The following GLI3 variants were observed in gnomAD, a reference collection of about 807,000 sequenced individuals.
The protein encoded by GLI3 is GLI family zinc finger 3.
In GLI3, 20 loss-of-function variants were observed where a neutral mutation model predicts 100.8. The ratio of observed to expected loss-of-function variants is 0.20; its 90% CI spans 0.14 to 0.29. The LOEUF is 0.29. Ranked by LOEUF, GLI3 falls within the 10% of genes least tolerant of loss-of-function variation. The pLI, the probability that GLI3 is intolerant of heterozygous loss-of-function variation, is 1.00. For synonymous variants in GLI3, 938 were observed against 860.5 expected (o/e 1.09, Z -1.58); for missense variants, 2,040 against 2,128.5 (o/e 0.96, Z 0.82).
At chr7:42,246,165 G>T (rs973498800) in intron 1 of GLI3, among the ~76,000 whole-genome samples, 1 of 152,178 alleles carries the variant, frequency 6.6e-6, no homozygotes, top group Admixed American at 6.5e-5. Context: ...CTGCAGTTGT[G>T]CATTCAAACA....
chr7:42,147,291 GTCA>G (rs1484670549), intron 3 of GLI3, among the ~76,000 whole-genome samples: 1 of 152,176 alleles, frequency 6.6e-6, no homozygotes, highest in African/African-American at 2.4e-5. Flanking sequence ...TCACTAATCA[GTCA>G]TCTGGCTAAT....
Position 41,967,338 on chromosome 7 carries a change from A to C in GLI3, c.2431+258T>G, listed in dbSNP as rs115984794. ...TCCACTGCTGGCATTCCCTTACCCTAATCTAACAGTTATGATTTCACCATC... is the reference window on the plus strand; with the variant it reads ...TCCACTGCTGGCATTCCCTTACCCTCATCTAACAGTTATGATTTCACCATC... On this transcript the variant is annotated intron_variant, in intron 14 of 14. Transcript: ENST00000395925. Among the ~76,000 whole-genome samples, 1,216 of 152,320 alleles carry C rather than the reference A, an allele frequency of 8.0e-3. 19 individuals carry two copies. The highest frequency in any genetic ancestry group is 0.028 in the African/African-American group (1,167 of 41,558).
At position 42,184,675 on chromosome 7, in the gene GLI3, C is replaced by T. The variant is rs531206714; in HGVS notation, c.125-36207G>A. Among the ~76,000 whole-genome samples the T allele has an allele frequency of 1.1e-4, 16 of 152,306 alleles. No homozygotes were observed. The South Asian group carries it at 1.2e-3, about 12-fold the overall frequency. Reference sequence around the variant, plus strand: ...ACCCAGAGACACAGACACCCTTTAGCGCTCAGCCCATGCAAGGATTGCCTG... The same window carrying T: ...ACCCAGAGACACAGACACCCTTTAGTGCTCAGCCCATGCAAGGATTGCCTG... On this transcript the variant is annotated intron_variant, in intron 2 of 14. Coordinates refer to ENST00000395925, the MANE Select transcript of GLI3 (RefSeq NM_000168.6).
At chr7:42,042,522 G>A (rs1319248026) in intron 6 of GLI3, among the ~76,000 whole-genome samples, 1 of 152,152 alleles carries the variant, frequency 6.6e-6, no homozygotes, top group Non-Finnish European at 1.5e-5. Context: ...CCTTCTCAAT[G>A]GTACTCAGTG....
At chr7:42,180,100 T>C (rs999926567) in intron 2 of GLI3, among the ~76,000 whole-genome samples, 2 of 152,116 alleles carry the variant, frequency 1.3e-5, no homozygotes, top group Admixed American at 6.5e-5. Context: ...TGCTCTCCCA[T>C]GTGCAGGAGA....
At position 42,223,169 on chromosome 7, in the gene GLI3, C is replaced by G. The variant is rs777203491; in HGVS notation, c.85G>C (p.Val29Leu). Residue 29 changes from valine (V) to leucine (L), a missense_variant, in exon 2 of 15, where the codon GTG becomes CTG. By Grantham distance (32) the Val-to-Leu change is conservative. Around this residue, in one of 5 missense-constraint regions of GLI3, gnomAD observed 603 missense variants for 690.9 expected, o/e 0.87. Transcript: ENST00000395925. The stretch of plus-strand genomic sequence containing the variant: ...CTGGAGGCAACGGCTTTCTCGCTCA[C>G]ATCTGTTCGAGTGGAGCACTTCACT... ...SIVKCSTRTD[V>L]SEKAVASSTT... 12 of 1,613,840 alleles carry G rather than the reference C, an allele frequency of 7.4e-6. No homozygotes were observed. Among genetic ancestry groups the G allele is most frequent in the African/African-American group, 2.7e-5 (2 of 74,912 alleles).
At chr7:42,159,895 T>C (rs1787092425) in intron 2 of GLI3, among the ~76,000 whole-genome samples, 1 of 152,226 alleles carries the variant, frequency 6.6e-6, no homozygotes, top group African/African-American at 2.4e-5. Context: ...CAGGATGTTA[T>C]TTCTTTTTCA....
intron 12 of GLI3, among the ~76,000 whole-genome samples, chr7:41,976,260 G>T (rs1787510979): frequency 6.6e-6 from 1 of 152,146 alleles, no homozygotes; most frequent in Non-Finnish European, 1.5e-5. Flanking sequence ...TGGAGATGTG[G>T]CATCTTTAAA....
intron 10 of GLI3, among the ~76,000 whole-genome samples, chr7:41,987,248 A>T (rs1787856636): frequency 1.3e-5 from 2 of 152,052 alleles, no homozygotes; most frequent in Non-Finnish European, 2.9e-5. Flanking sequence ...AGCTCACTAC[A>T]ACCTCCACCT....
chr7:42,120,169 A>C (rs1785960772), intron 3 of GLI3, among the ~76,000 whole-genome samples: 1 of 152,228 alleles, frequency 6.6e-6, no homozygotes, highest in Admixed American at 6.5e-5. Context: ...CCCTGATTAA[A>C]AAATATCAGC....
intron 1 of GLI3, among the ~76,000 whole-genome samples, chr7:42,251,755 A>G (rs974919308): frequency 5.9e-5 from 9 of 152,216 alleles, no homozygotes; most frequent in Non-Finnish European, 1.0e-4. Flanking sequence ...TTACCTGCTC[A>G]GTGTTACACA....
chr7:42,181,363 G>C (rs146245348), intron 2 of GLI3, among the ~76,000 whole-genome samples: 3 of 152,198 alleles, frequency 2.0e-5, no homozygotes, highest in East Asian at 1.9e-4. Context: ...CACTTTGGGA[G>C]GATGAGGTGG....
chr7:41,997,755 C>T (rs995922622), intron 10 of GLI3, among the ~76,000 whole-genome samples: 1 of 152,140 alleles, frequency 6.6e-6, no homozygotes, highest in Non-Finnish European at 1.5e-5. Flanking sequence ...CCTGGTACCC[C>T]ACAGGCCTTC....
chr7:41,964,250 A>G lies in GLI3; in HGVS notation c.*80T>C. On this transcript the variant is annotated 3_prime_UTR_variant, in exon 15 of 15. Coordinates refer to ENST00000395925, the MANE Select transcript of GLI3 (RefSeq NM_000168.6). ...ATTGCTAAAATACATACAGAACTAA[A>G]AAAACAGCCAAAACAAAGTCAGTTT... 1 of 1,290,874 alleles carries G rather than the reference A, an allele frequency of 7.7e-7. No homozygotes were observed. Among genetic ancestry groups the G allele is most frequent in the South Asian group, 1.2e-5 (1 of 80,882 alleles). The allele number at this position is 1,290,874 out of a possible 1,614,324, so 80.0% of individuals were successfully genotyped here.
At chr7:42,255,396 T>C (rs1018275014) in intron 1 of GLI3, among the ~76,000 whole-genome samples, 10 of 152,176 alleles carry the variant, frequency 6.6e-5, no homozygotes, top group Non-Finnish European at 1.0e-4. Context: ...AGTAGATTTA[T>C]AGTTGTACAG....
chr7:42,027,240 G>A (rs568400093), intron 7 of GLI3, among the ~76,000 whole-genome samples: 46 of 152,202 alleles, frequency 3.0e-4, no homozygotes, highest in Middle Eastern at 3.4e-3. Context: ...GTGCCAGTGT[G>A]GTTCTGGAAT....
intron 7 of GLI3, among the ~76,000 whole-genome samples, chr7:42,028,252 A>C (rs1313861942): frequency 6.6e-6 from 1 of 152,122 alleles, no homozygotes; most frequent in African/African-American, 2.4e-5. Context: ...GTATCTCCAA[A>C]CACCTTTCCA....
chr7:42,155,025 C>T (rs1183025495), intron 2 of GLI3, among the ~76,000 whole-genome samples: 1 of 152,164 alleles, frequency 6.6e-6, no homozygotes, highest in Non-Finnish European at 1.5e-5. Flanking sequence ...AGGGCTGCAG[C>T]AGAATTTGAA....
intron 2 of GLI3, among the ~76,000 whole-genome samples, chr7:42,185,080 TGCAG>T (rs1026633423): frequency 4.0e-5 from 6 of 151,888 alleles, no homozygotes; most frequent in African/African-American, 1.5e-4. Context: ...CACCTGGGCA[TGCAG>T]GCAGGCAGGC....
Sources: gnomAD v4.1 joint callset for allele counts (sites outside exome capture counted in the v4.1 genomes callset) on GRCh38, gnomAD v4.1.1 for gene constraint, gnomAD v4.1.1 regional missense constraint, MANE v1.5 for transcripts, NCBI Gene and HGNC (gene_info 2026-07-23, HGNC 2026-07-21) for gene names.